ADCY4: variants seen among roughly 807,000 people sequenced by gnomAD.
ADCY4 encodes the protein adenylate cyclase 4.
In ADCY4, 111 loss-of-function variants were observed where a neutral mutation model predicts 125.5. The ratio of observed to expected loss-of-function variants is 0.88; its 90% confidence interval spans 0.76 to 1.04. The LOEUF is 1.04. Ranked by LOEUF, ADCY4 falls within the 50% of genes least tolerant of loss-of-function variation. The pLI is 0.00. For missense variants in ADCY4, 1,256 were observed against 1,382.9 expected (o/e 0.91, Z 1.46); for synonymous variants, 576 against 586.9 (o/e 0.98, Z 0.27).
At position 24,329,942 on chromosome 14, in the gene ADCY4, T is replaced by A. The variant is rs770539943; in HGVS notation, c.1135A>T (p.Ile379Phe). The A allele has an allele frequency of 1.2e-6, 2 of 1,613,996 alleles. No individual in the cohort carries two copies. The highest frequency in any genetic ancestry group is 1.7e-6 in the Non-Finnish European group (2 of 1,180,008). ...VHSGSVLCGV[I>F]GLQKWQYDVW... is the part of the protein sequence containing the mutation. ...TCGTACTGCCACTTCTGCAGCCCGA[T>A]GACTCCACACAGTACGCTGCCTGAG... is the stretch of plus-strand genomic sequence containing the variant. The change falls in exon 8 of 25, where the codon ATC becomes TTC. Residue 379 changes from isoleucine (I) to phenylalanine (F), a missense_variant. By Grantham distance (21) the Ile-to-Phe change is conservative. Coordinates refer to ENST00000418030, the MANE Select transcript of ADCY4 (RefSeq NM_001198568.2).
In ADCY4 at chr14:24,318,541, G is replaced by T. The variant is rs777454246; in HGVS notation, c.3109C>A (p.Gln1037Lys). The T allele has an allele frequency of 1.2e-6, 2 of 1,614,182 alleles. No homozygotes were observed. The highest frequency in any genetic ancestry group is 4.5e-5 in the East Asian group (2 of 44,884). ...CTGTAGCAGGTGTAGCCCAGGGACTGTAGGGCCCATGCTGTCTCCTCAGTC... is the reference window on the plus strand; with the variant it reads ...CTGTAGCAGGTGTAGCCCAGGGACTTTAGGGCCCATGCTGTCTCCTCAGTC... ...QVTEETAWAL[Q>K]SLGYTCYSRG... is the part of the protein sequence containing the mutation. Residue 1037 changes from glutamine (Q) to lysine (K), a missense_variant, in exon 25 of 25, where the codon CAG (glutamine) becomes AAG (lysine). Gln to Lys is a moderately conservative substitution (Grantham distance 53). Coordinates refer to ENST00000418030, the MANE Select transcript of ADCY4 (RefSeq NM_001198568.2).
intron 14 of ADCY4, 92 bp downstream of exon 14, chr14:24,325,285 A>G: frequency 9.7e-7 from 1 of 1,028,652 alleles, no homozygotes; most frequent in Non-Finnish European, 1.5e-6. Flanking sequence ...GCTAAGGGGA[A>G]GGGGTGAAGG....
intron 10 of ADCY4, 160 bp from the exon 11 acceptor site, chr14:24,326,502 AC>A (rs2041947091): frequency 3.8e-6 from 3 of 790,154 alleles, no homozygotes; most frequent in Non-Finnish European, 6.2e-6. Context: ...CCCAAATCCC[AC>A]CTGCCCTTGA....
In ADCY4 at chr14:24,329,897, T is replaced by C; in HGVS notation, c.1180A>G (p.Thr394Ala). The change falls in exon 8 of 25, where the codon ACA becomes GCA. Residue 394 changes from threonine (T) to alanine (A), a missense_variant. By Grantham distance (58) the Thr-to-Ala change is moderately conservative. Coordinates refer to ENST00000418030, the MANE Select transcript of ADCY4 (RefSeq NM_001198568.2). ...WQYDVWSHDV[T>A]LANHMEAGGV... is the part of the protein sequence containing the mutation. ...CCTGCCTCCATGTGGTTAGCCAGTG[T>C]GACATCATGTGACCAAACGTCGTAC... The C allele has an allele frequency of 2.5e-6, 4 of 1,614,124 alleles. No homozygotes were observed. The South Asian group carries it at 4.4e-5, about 18-fold the overall frequency.
In ADCY4 at chr14:24,319,898, C is replaced by T. The variant is rs57167065; in HGVS notation, c.2587-10G>A. ...ACTGGTGGTAGAGATCCTGGGGGAA[C>T]AGGAGACTGGAGTGAGGGGTGTGTG... On this transcript the variant is annotated splice_polypyrimidine_tract_variant and intron_variant, in intron 20 of 24. Coordinates refer to ENST00000418030, the MANE Select transcript of ADCY4 (RefSeq NM_001198568.2). This position sits in a 1 kb window ranked among gnomAD's most constrained non-coding sequence, Gnocchi z 4.5. 1 of 1,612,246 alleles carries T rather than the reference C, an allele frequency of 6.2e-7. No homozygotes were observed. The highest frequency in any genetic ancestry group is 1.3e-5 in the African/African-American group (1 of 74,776).
chr14:24,331,736 T>C, intron 4 of ADCY4, 52 bp downstream of exon 4: 4 of 1,480,414 alleles, frequency 2.7e-6, no homozygotes, highest in Non-Finnish European at 3.6e-6. Flanking sequence ...TTATGTAATC[T>C]AAGCAACTCC....
chr14:24,326,405 A>C (rs1008941786), intron 10 of ADCY4, 63 bp from the exon 11 acceptor site: 11 of 1,581,724 alleles, frequency 7.0e-6, no homozygotes, highest in Non-Finnish European at 9.6e-6. Flanking sequence ...GAGGTAGACC[A>C]TGAGCCACAC....
intron 20 of ADCY4, among the ~76,000 whole-genome samples, chr14:24,320,747 C>G (rs1194204956): frequency 2.0e-5 from 3 of 152,150 alleles, no homozygotes; most frequent in African/African-American, 7.2e-5. Context: ...GGAAACATTC[C>G]CTATGTGCAG....
At position 24,331,205 on chromosome 14, in the gene ADCY4, T is replaced by C. The variant is rs758884758; in HGVS notation, c.818+3A>G. The stretch of plus-strand genomic sequence containing the variant: ...CCTCCCCTCCAGCCATTCTTCCTCA[T>C]ACCTGACTCCCTGGTGCCTCTTGAC... On this transcript the variant is annotated splice_donor_region_variant and intron_variant, in intron 5 of 24. Coordinates refer to ENST00000418030, the MANE Select transcript of ADCY4 (RefSeq NM_001198568.2). The C allele has an allele frequency of 2.6e-5, 42 of 1,614,036 alleles. No individual in the cohort carries two copies. Among genetic ancestry groups the C allele is most frequent in the Non-Finnish European group, 3.4e-5 (40 of 1,180,002 alleles).
Position 24,330,168 on chromosome 14 carries a change from C to A in ADCY4, c.1058G>T (p.Arg353Met). The change falls in exon 7 of 25, where the codon AGG (arginine) becomes ATG (methionine). Residue 353 changes from arginine (R) to methionine (M), a missense_variant and splice_region_variant. Arg to Met is a moderately conservative substitution (Grantham distance 91). Transcript: ENST00000418030. The part of the protein sequence containing the change: ...RMGLDMCRAI[R>M]KLRAATGVDI... ...CCTCTTGACCACCGCCTGAGCTGAC[C>A]TGATGGCCCGGCACATGTCCAGGCC... is the stretch of plus-strand genomic sequence containing the variant. The A allele has an allele frequency of 6.2e-7, 1 of 1,613,538 alleles. No homozygotes were observed. The highest frequency in any genetic ancestry group is 8.5e-7 in the Non-Finnish European group (1 of 1,179,598).
At chr14:24,320,484 A>G (rs555907769) in intron 20 of ADCY4, among the ~76,000 whole-genome samples, 1 of 152,328 alleles carries the variant, frequency 6.6e-6, no homozygotes, top group East Asian at 1.9e-4. Flanking sequence ...TTGTGTCTGT[A>G]AGAGAAGAAA....
In ADCY4 at chr14:24,318,737, G is replaced by A. The variant is rs1282402812; in HGVS notation, c.2998C>T (p.Gln1000Ter). Reference sequence around the variant, plus strand: ...CCCCAAATGTCATATTGCGGCTTCTGGGCCCCAATAACTCCAGCTACTACG... The same window carrying A: ...CCCCAAATGTCATATTGCGGCTTCTAGGCCCCAATAACTCCAGCTACTACG... Reference protein sequence around the residue: ...GPVVAGVIGAQKPQYDIWGNT... With the variant: ...GPVVAGVIGA The change falls in exon 24 of 25, where the codon CAG (glutamine) becomes TAG (stop). Residue 1000 changes from glutamine (Q) to a stop codon, truncating the protein, a stop_gained. Coordinates refer to ENST00000418030, the MANE Select transcript of ADCY4 (RefSeq NM_001198568.2). LOFTEE classifies it high-confidence loss of function. 6.2e-7 allele frequency: 1 copy of A among 1,614,086 alleles called. No individual in the cohort carries two copies. Among genetic ancestry groups the A allele is most frequent in the Admixed American group, 1.7e-5 (1 of 60,010 alleles).
rs953034979 is a variant in ADCY4 at position 24,334,770 on chromosome 14, C to T, written c.-118G>A. On this transcript the variant is annotated 5_prime_UTR_variant, in exon 1 of 25. Transcript: ENST00000418030. ...CGCTCAAAGCCGCTACCACCCCGCG[C>T]CCCCAACCTCGTGGCAATCCCGTCT... 9.3e-5 allele frequency: 76 copies of T among 819,702 alleles called. 2 individuals carry two copies. The highest frequency in any genetic ancestry group is 7.7e-4 in the South Asian group (41 of 53,314). 50.8% of individuals were successfully genotyped at this position (819,702 alleles called of 1,614,324 possible).
chr14:24,332,237 C>CTTT (rs61560607), intron 3 of ADCY4: 9 of 394,608 alleles, frequency 2.3e-5, no homozygotes, highest in South Asian at 9.1e-5. Flanking sequence ...TCGCACAAAA[C>CTTT]TTTTTTTTTT....
chr14:24,325,898 G>T lies in ADCY4; in HGVS notation c.1656-11C>A. The stretch of plus-strand genomic sequence containing the variant: ...GACTGCTTCCACTGTCTGGTGGGAG[G>T]TGGGAGGGTGGGTGAAAGCACCAGA... On this transcript the variant is annotated splice_polypyrimidine_tract_variant and intron_variant, in intron 12 of 24. Transcript: ENST00000418030. The T allele has an allele frequency of 6.3e-7, 1 of 1,580,730 alleles. No individual in the cohort carries two copies. The highest frequency in any genetic ancestry group is 1.8e-5 in the Admixed American group (1 of 55,074).
chr14:24,331,516 C>T, intron 4 of ADCY4, 160 bp from the exon 5 acceptor site: 2 of 1,003,332 alleles, frequency 2.0e-6, no homozygotes, highest in Non-Finnish European at 1.4e-6. Flanking sequence ...GCACTCCATC[C>T]TACACTGATC....
Position 24,318,746 on chromosome 14 carries a change from T to C in ADCY4, c.2989A>G (p.Ile997Val). 1 of 1,614,008 alleles carries C rather than the reference T, an allele frequency of 6.2e-7. No homozygotes were observed. Among genetic ancestry groups the C allele is most frequent in the South Asian group, 1.1e-5 (1 of 91,084 alleles). Residue 997 changes from isoleucine to valine, a missense_variant, in exon 24 of 25, where the codon ATT becomes GTT. Coordinates refer to ENST00000418030, the MANE Select transcript of ADCY4 (RefSeq NM_001198568.2). Reference protein sequence around the residue: ...LNHGPVVAGVIGAQKPQYDIW... With the variant: ...LNHGPVVAGVVGAQKPQYDIW... ...TCATATTGCGGCTTCTGGGCCCCAATAACTCCAGCTACTACGGGTCCATGG... is the reference window on the plus strand; with the variant it reads ...TCATATTGCGGCTTCTGGGCCCCAACAACTCCAGCTACTACGGGTCCATGG...
At chr14:24,332,007 CA>C in intron 3 of ADCY4, 70 bp from the exon 4 acceptor site, 1 of 1,431,054 alleles carries the variant, frequency 7.0e-7, no homozygotes. Flanking sequence ...GAGTTGGTCT[CA>C]AAGACTGGCT....
intron 12 of ADCY4, 34 bp downstream of exon 12, chr14:24,326,045 C>A (rs780001781): frequency 7.6e-6 from 12 of 1,570,360 alleles, no homozygotes; most frequent in Non-Finnish European, 1.0e-5. Context: ...ACCTCAGGGC[C>A]TGCGGCCCCC....
Sources: gnomAD v4.1 joint callset for allele counts (sites outside exome capture counted in the v4.1 genomes callset) on GRCh38, gnomAD v4.1.1 for gene constraint, Gnocchi (gnomAD v3.1) non-coding constraint, MANE v1.5 for transcripts, NCBI Gene and HGNC (gene_info 2026-07-23, HGNC 2026-07-21) for gene names.